PKHD1L1: variants seen among roughly 807,000 people sequenced by gnomAD.
PKHD1L1 encodes the protein fibrocystin-L.
Under a neutral mutation model 462.9 loss-of-function variants are expected in PKHD1L1, and 434 were observed. The observed-to-expected ratio is 0.94, with a 90% CI of 0.87 to 1.02. The LOEUF (loss-of-function observed/expected upper bound fraction) is 1.02. PKHD1L1 is among the 50% of genes least tolerant of loss of function. The pLI, the probability that PKHD1L1 is intolerant of heterozygous loss-of-function variation, is 0.00. For synonymous variants in PKHD1L1, 1,781 were observed against 1,750.0 expected (o/e 1.02, Z -0.44); for missense variants, 5,202 against 5,096.1 (o/e 1.02, Z -0.63).
At chr8:109,484,719 A>G (rs1818439582) in intron 57 of PKHD1L1, among the ~76,000 whole-genome samples, 1 of 151,856 alleles carries the variant, frequency 6.6e-6, no homozygotes, top group Non-Finnish European at 1.5e-5. Context: ...ACTCTTAATA[A>G]TATTGTCCTG....
At chr8:109,478,318 A>C (rs1419880644) in intron 53 of PKHD1L1, among the ~76,000 whole-genome samples, 1 of 152,216 alleles carries the variant, frequency 6.6e-6, no homozygotes, top group African/African-American at 2.4e-5. Context: ...ATTATAAACA[A>C]CATAGATGTG....
In PKHD1L1 at chr8:109,364,645, G is replaced by GC; in HGVS notation, c.163+10dup. ...GACTATAAGAGGGGAAGGTATCGTT[G>GC]CTTTTTTTTTTTTTTTTTTGCCAAG... On this transcript the variant is annotated intron_variant, in intron 2 of 77. Coordinates refer to ENST00000378402, the MANE Select transcript of PKHD1L1 (RefSeq NM_177531.6). 1 of 1,201,104 alleles carries GC rather than the reference G, an allele frequency of 8.3e-7. No homozygotes were observed. Among genetic ancestry groups the GC allele is most frequent in the Non-Finnish European group, 1.1e-6 (1 of 914,128 alleles). The allele number at this position is 1,201,104 out of a possible 1,614,324, so 74.4% of individuals were successfully genotyped here.
At chr8:109,367,721 C>T (rs1161533865) in intron 2 of PKHD1L1, among the ~76,000 whole-genome samples, 3 of 152,306 alleles carry the variant, frequency 2.0e-5, no homozygotes, top group African/African-American at 7.2e-5. Flanking sequence ...TATAGCAAGA[C>T]CCTGTCTCTA....
chr8:109,412,547 A>T (rs1369334624), intron 20 of PKHD1L1, 133 bp downstream of exon 20: 2 of 903,680 alleles, frequency 2.2e-6, no homozygotes, highest in Non-Finnish European at 3.2e-6. Context: ...ACCGAAGTGT[A>T]CATTCTGGGT....
At chr8:109,383,256 G>T (rs1423067735) in intron 4 of PKHD1L1, among the ~76,000 whole-genome samples, 6 of 78,742 alleles carry the variant, frequency 7.6e-5, no homozygotes, top group South Asian at 3.2e-4. Flanking sequence ...ATATATAATA[G>T]ATAATTATAT....
At chr8:109,418,095 A>C (rs905876966) in intron 21 of PKHD1L1, among the ~76,000 whole-genome samples, 1 of 152,218 alleles carries the variant, frequency 6.6e-6, no homozygotes. Context: ...CACAGTGTAC[A>C]GTTCAGTTTT....
In PKHD1L1 at chr8:109,491,863, T is replaced by C; in HGVS notation, c.10115-10T>C. The C allele has an allele frequency of 6.8e-7, 1 of 1,477,432 alleles. No individual in the cohort carries two copies. Among genetic ancestry groups the C allele is most frequent in the Non-Finnish European group, 9.0e-7 (1 of 1,115,706 alleles). The allele number at this position is 1,477,432 out of a possible 1,614,324, so 91.5% of individuals were successfully genotyped here. A position where few individuals can be genotyped will look rare whatever the true frequency, so the allele number is the denominator to read the frequency against. ...GGGGATTTTCTTTCTTTTTTTCTTT[T>C]TTTAAACAGGCATAAGAATATGGGG... On this transcript the variant is annotated splice_polypyrimidine_tract_variant and intron_variant, in intron 61 of 77. Transcript: ENST00000378402.
intron 47 of PKHD1L1, among the ~76,000 whole-genome samples, chr8:109,461,173 A>G (rs1361097611): frequency 6.6e-6 from 1 of 152,212 alleles, no homozygotes; most frequent in African/African-American, 2.4e-5. Context: ...TCATTACAAT[A>G]CTATAAGTAG....
chr8:109,470,282 A>C (rs1386141100), intron 50 of PKHD1L1: 1 of 1,465,628 alleles, frequency 6.8e-7, no homozygotes, highest in African/African-American at 1.4e-5. Context: ...GAGTGTAGCC[A>C]TACTTGTAAC....
rs768072024 is a variant in PKHD1L1, at chr8:109,454,235, G to A, written c.6733G>A (p.Gly2245Ser). The A allele has an allele frequency of 1.9e-6, 3 of 1,602,738 alleles. No homozygotes were observed. Among genetic ancestry groups the A allele is most frequent in the Non-Finnish European group, 2.6e-6 (3 of 1,174,136 alleles). The change falls in exon 44 of 78, where the codon GGT becomes AGT. Residue 2245 changes from glycine (G) to serine (S), a missense_variant. Physicochemically the swap from Gly to Ser is moderately conservative, Grantham distance 56 (BLOSUM62 0). This residue lies in a region of PKHD1L1 where 4,497 missense variants were observed against 4,336.8 expected (regional missense o/e 1.04). Transcript: ENST00000378402. ...AGAAAATATTCTAATTACAGATGGAGGTGTTCTTCAGGTATTCAAAAGAAC... is the reference window on the plus strand; with the variant it reads ...AGAAAATATTCTAATTACAGATGGAAGTGTTCTTCAGGTATTCAAAAGAAC... ...QAENILITDG[G>S]VLQIGTETSP...
At chr8:109,385,013 T>G (rs952098412) in intron 5 of PKHD1L1, among the ~76,000 whole-genome samples, 1 of 151,994 alleles carries the variant, frequency 6.6e-6, no homozygotes, top group Admixed American at 6.6e-5. Context: ...AACATGTTAA[T>G]GATTTTTCTG....
In PKHD1L1 at chr8:109,533,355, CTT is replaced by C. The variant is rs1441541003; in HGVS notation, c.*3266_*3267del. On this transcript the variant is annotated 3_prime_UTR_variant, in exon 78 of 78. Transcript: ENST00000378402. Reference sequence around the variant, plus strand: ...AACAGGCGGTAAAATGATAGCCACTCTTGTTTTTATTTCCATAATGTGGCCTA... The same window carrying C: ...AACAGGCGGTAAAATGATAGCCACTCGTTTTTATTTCCATAATGTGGCCTA... Among the ~76,000 whole-genome samples the C allele has an allele frequency of 3.9e-5, 6 of 152,218 alleles. No individual in the cohort carries two copies. Among genetic ancestry groups the C allele is most frequent in the African/African-American group, 1.2e-4 (5 of 41,458 alleles).
chr8:109,445,582 C>T lies in PKHD1L1; in HGVS notation c.5713C>T (p.Pro1905Ser), dbSNP rs1312473970. 1.2e-6 allele frequency: 2 copies of T among 1,611,274 alleles called. No individual in the cohort carries two copies. Among genetic ancestry groups the T allele is most frequent in the Non-Finnish European group, 1.7e-6 (2 of 1,178,416 alleles). ...KIFVNTIAYP[P>S]LLFTYALEDT... ...CTTTGTTAATACAATTGCTTATCCA[C>T]CTTTGCTTTTTACATATGCCCTGGA... Residue 1905 changes from proline to serine, a missense_variant, in exon 38 of 78, where the codon CCT (proline) becomes TCT (serine). Physicochemically the swap from Pro to Ser is moderately conservative, Grantham distance 74 (BLOSUM62 -1). Around this residue, in one of 3 missense-constraint regions of PKHD1L1, gnomAD observed 4,497 missense variants for 4,336.8 expected, o/e 1.04. Transcript: ENST00000378402.
chr8:109,510,837 A>T lies in PKHD1L1; in HGVS notation c.11456A>T (p.His3819Leu). Residue 3819 changes from histidine to leucine, a missense_variant, in exon 71 of 78, where the codon CAC becomes CTC. Coordinates refer to ENST00000378402, the MANE Select transcript of PKHD1L1 (RefSeq NM_177531.6). Reference sequence around the variant, plus strand: ...TGCCAGAGAAGGCTGTCCCTGTTTCACAGCATTGTGGCTCTGAACAAATCT... The same window carrying T: ...TGCCAGAGAAGGCTGTCCCTGTTTCTCAGCATTGTGGCTCTGAACAAATCT... ...YTCQRRLSLF[H>L]SIVALNKSYE... The T allele has an allele frequency of 6.2e-7, 1 of 1,613,340 alleles. No individual in the cohort carries two copies. Among genetic ancestry groups the T allele is most frequent in the Non-Finnish European group, 8.5e-7 (1 of 1,179,498 alleles).
rs909557818 is a variant in PKHD1L1 at position 109,452,631 on chromosome 8, A to G, written c.6508-87A>G. 14 of 693,570 alleles carry G rather than the reference A, an allele frequency of 2.0e-5. 1 individual carries two copies. The highest frequency in any genetic ancestry group is 9.9e-4 in the Middle Eastern group (2 of 2,026). The allele number at this position is 693,570 out of a possible 1,614,324, so 43.0% of individuals were successfully genotyped here. ...TTTACTATATAATATAAATATATTT[A>G]TATTGTAATAAAATGCTTTTTGAAA... On this transcript the variant is annotated intron_variant, in intron 42 of 77. Transcript: ENST00000378402.
chr8:109,412,604 CTA>C (rs1029051558), intron 20 of PKHD1L1, among the ~76,000 whole-genome samples, 190 bp downstream of exon 20: 7 of 151,470 alleles, frequency 4.6e-5, no homozygotes, highest in African/African-American at 1.7e-4. Context: ...TAGATATATT[CTA>C]TATATATATG....
chr8:109,396,146 C>T lies in PKHD1L1; in HGVS notation c.922+9C>T, dbSNP rs1298391359. On this transcript the variant is annotated intron_variant, in intron 11 of 77. Coordinates refer to ENST00000378402, the MANE Select transcript of PKHD1L1 (RefSeq NM_177531.6). ...CAGAGTTCTAGTTGGAGGTATTTCT[C>T]ATGGTTTTTGATATATTACTTTATT... is the stretch of plus-strand genomic sequence containing the variant. 3.2e-6 allele frequency: 5 copies of T among 1,583,850 alleles called. No homozygotes were observed. Among genetic ancestry groups the T allele is most frequent in the Non-Finnish European group, 1.7e-6 (2 of 1,160,260 alleles).
At chr8:109,423,834 C>G (rs1164460782) in intron 23 of PKHD1L1, among the ~76,000 whole-genome samples, 2 of 152,136 alleles carry the variant, frequency 1.3e-5, no homozygotes, top group African/African-American at 2.4e-5. Context: ...CATTTATCGG[C>G]ATTTTGCAAT....
intron 18 of PKHD1L1, among the ~76,000 whole-genome samples, chr8:109,408,973 T>A (rs1813701131): frequency 1.3e-5 from 2 of 152,122 alleles, no homozygotes; most frequent in Admixed American, 6.5e-5. Flanking sequence ...CTAATGTATC[T>A]CCATAGGGGG....
Sources: gnomAD v4.1 joint callset for allele counts (sites outside exome capture counted in the v4.1 genomes callset) on GRCh38, gnomAD v4.1.1 for gene constraint, gnomAD v4.1.1 regional missense constraint, MANE v1.5 for transcripts, NCBI Gene and HGNC (gene_info 2026-07-23, HGNC 2026-07-21) for gene names.